CFI: variants seen among roughly 807,000 people sequenced by gnomAD.
CFI encodes the protein complement factor I.
In CFI, 66 loss-of-function variants were observed where a neutral mutation model predicts 78.8. The observed-to-expected ratio is 0.84, with a 90% CI of 0.69 to 1.03. The LOEUF is 1.03. Among genes scored for constraint, CFI ranks in the 50% least tolerant of loss-of-function variants. CFI has a pLI of 0.00. For synonymous variants in CFI, 250 were observed against 232.6 expected, an observed-to-expected ratio of 1.07 and a Z score of -0.68; for missense variants, 706 against 704.5, an observed-to-expected ratio of 1.00 and a Z score of -0.02.
chr4:109,778,198 G>T (rs1409746785), intron 1 of CFI, among the ~76,000 whole-genome samples: 1 of 152,094 alleles, frequency 6.6e-6, no homozygotes, highest in Non-Finnish European at 1.5e-5. Context: ...CCAGGAGATG[G>T]TTTTTTGAAA....
chr4:109,764,460 C>T, intron 3 of CFI, 77 bp downstream of exon 3: 1 of 1,497,892 alleles, frequency 6.7e-7, no homozygotes, highest in South Asian at 1.1e-5. Context: ...AATTAATACA[C>T]AGAAAGGTTA....
chr4:109,775,968 A>G (rs1729180895), intron 1 of CFI, among the ~76,000 whole-genome samples: 1 of 152,206 alleles, frequency 6.6e-6, no homozygotes, highest in South Asian at 2.1e-4. Flanking sequence ...CATCCACACC[A>G]AAACCCCATC....
At chr4:109,756,729 A>G (rs1239663445) in intron 7 of CFI, among the ~76,000 whole-genome samples, 1 of 151,446 alleles carries the variant, frequency 6.6e-6, no homozygotes, top group Non-Finnish European at 1.5e-5. Flanking sequence ...GTGTGGTGGC[A>G]CGTGCCTGTA....
intron 3 of CFI, 135 bp from the exon 4 acceptor site, chr4:109,761,827 G>A (rs775826258): frequency 3.7e-5 from 27 of 723,566 alleles, no homozygotes; most frequent in South Asian, 2.5e-4. Flanking sequence ...GCAAGATACC[G>A]AAACTCTGAG....
chr4:109,798,036 A>G (rs568495729), intron 1 of CFI, among the ~76,000 whole-genome samples: 51 of 152,324 alleles, frequency 3.3e-4, no homozygotes, highest in Admixed American at 9.8e-4. Context: ...TTGTGACAAT[A>G]TGGATGAACC....
At chr4:109,775,446 G>GT (rs1729102450) in intron 1 of CFI, among the ~76,000 whole-genome samples, 1 of 152,216 alleles carries the variant, frequency 6.6e-6, no homozygotes, top group Non-Finnish European at 1.5e-5. Context: ...CAGCAAGGCT[G>GT]GGGGAGGGGC....
At chr4:109,734,543 C>T in the CFI span, among the ~76,000 whole-genome samples, 2 of 152,170 alleles carry the variant, frequency 1.3e-5, no homozygotes, top group Non-Finnish European at 2.9e-5. Context: ...GTGGCTCATG[C>T]CTGTAATTCT....
At chr4:109,760,213 G>T in intron 6 of CFI, 57 bp downstream of exon 6, 1 of 1,244,744 alleles carries the variant, frequency 8.0e-7, no homozygotes, top group Non-Finnish European at 1.2e-6. Flanking sequence ...CTAAAGAAAA[G>T]TTTCAGAATC....
intron 7 of CFI, among the ~76,000 whole-genome samples, chr4:109,756,964 AGAAAGAAAGAAAGAAAT>A (rs1726365931): frequency 7.2e-6 from 1 of 139,212 alleles, no homozygotes; most frequent in Non-Finnish European, 1.6e-5. Flanking sequence ...AAAGAAAGAA[AGAAAGAAAGAAAGAAAT>A]TCTGAGGAGG....
chr4:109,749,659 C>T (rs1561288889), intron 8 of CFI, 57 bp from the exon 9 acceptor site: 1 of 1,077,958 alleles, frequency 9.3e-7, no homozygotes, highest in East Asian at 2.4e-5. Context: ...GCGTTTTTAA[C>T]ACACTTCTTG....
downstream of CFI, among the ~76,000 whole-genome samples, chr4:109,740,104 G>A (rs1390841635): frequency 1.3e-5 from 2 of 152,126 alleles, no homozygotes; most frequent in Non-Finnish European, 2.9e-5. Context: ...GACCAGCCTG[G>A]GCATCAAAGC....
chr4:109,759,158 A>G (rs1338655100), intron 6 of CFI, among the ~76,000 whole-genome samples: 5 of 150,938 alleles, frequency 3.3e-5, no homozygotes, highest in African/African-American at 1.2e-4. Context: ...AAAAGTGTTC[A>G]TTTGTCATTG....
chr4:109,760,414 T>G, intron 5 of CFI, 34 bp from the exon 6 acceptor site: 1 of 1,563,704 alleles, frequency 6.4e-7, no homozygotes. Context: ...GTTTTTTTCA[T>G]TCCTTAAAGT....
At chr4:109,771,549 A>G (rs977043086) in intron 1 of CFI, among the ~76,000 whole-genome samples, 1 of 143,326 alleles carries the variant, frequency 7.0e-6, no homozygotes, top group African/African-American at 2.9e-5. Context: ...TACTAAAAAT[A>G]CAAAAAAAAA....
chr4:109,797,363 T>C (rs1226178295), intron 1 of CFI, among the ~76,000 whole-genome samples: 2 of 152,174 alleles, frequency 1.3e-5, no homozygotes, highest in Admixed American at 6.5e-5. Flanking sequence ...ATGGGAAAAC[T>C]GGAAATCCAC....
rs769739581 is a variant in CFI at position 109,760,514 on chromosome 4, T to A, written c.772+9A>T. 1.9e-6 allele frequency: 3 copies of A among 1,540,152 alleles called. No homozygotes were observed. Among genetic ancestry groups the A allele is most frequent in the Non-Finnish European group, 2.7e-6 (3 of 1,112,552 alleles). ...ATTTAGAGGATTTAGAGGCTAGATT[T>A]ATGTCTACCTTTACAACACAGTTCA... On this transcript the variant is annotated intron_variant, in intron 5 of 12. Coordinates refer to ENST00000394634, the MANE Select transcript of CFI (RefSeq NM_000204.5).
At chr4:109,747,582 G>A (rs879927841) in intron 10 of CFI, among the ~76,000 whole-genome samples, 2 of 151,824 alleles carry the variant, frequency 1.3e-5, no homozygotes, top group Non-Finnish European at 2.9e-5. Flanking sequence ...TTAGAAGTAG[G>A]GTGCTAAATT....
chr4:109,759,262 A>AT lies in CFI; in HGVS notation c.883+1007_883+1008insA, dbSNP rs889547289. ...AACGACTCAGTTTCTCTAAAAAAAA[A>AT]AAAAATAATAATAGTATGAAAAAAA... On this transcript the variant is annotated intron_variant, in intron 6 of 12. Transcript: ENST00000394634. Among the ~76,000 whole-genome samples the AT allele has an allele frequency of 8.2e-4, 85 of 103,058 alleles. 2 individuals are homozygous for AT. Among genetic ancestry groups the AT allele is most frequent in the Admixed American group, 2.8e-3 (30 of 10,668 alleles). 67.6% of individuals were successfully genotyped at this position (103,058 alleles called of 152,430 possible).
intron 2 of CFI, among the ~76,000 whole-genome samples, chr4:109,765,099 G>A (rs1030752500): frequency 2.6e-5 from 4 of 152,198 alleles, no homozygotes; most frequent in Non-Finnish European, 5.9e-5. Flanking sequence ...GTATTCTCGT[G>A]TATTTAAGGC....
Sources: gnomAD v4.1 joint callset for allele counts (sites outside exome capture counted in the v4.1 genomes callset) on GRCh38, gnomAD v4.1.1 for gene constraint, MANE v1.5 for transcripts, NCBI Gene and HGNC (gene_info 2026-07-23, HGNC 2026-07-21) for gene names.